CHRNB1: variants seen among roughly 807,000 people sequenced by gnomAD.
CHRNB1 encodes cholinergic receptor nicotinic beta 1 subunit, also known as acetylcholine receptor subunit beta.
CHRNB1 carries 47 observed loss-of-function variants against 53.8 expected under a neutral mutation model. The observed-to-expected ratio is 0.87, with a 90% CI of 0.69 to 1.11. The LOEUF (loss-of-function observed/expected upper bound fraction) is 1.11, where lower values mean the gene tolerates loss of function less well. Ranked by LOEUF, CHRNB1 falls within the 50% of genes most tolerant of loss-of-function variation. The pLI is 0.00. For synonymous variants in CHRNB1, 259 were observed against 263.5 expected (o/e 0.98, Z 0.16); for missense variants, 605 against 654.9 (o/e 0.92, Z 0.83).
Position 7,455,314 on chromosome 17 carries a change from C to A in CHRNB1, c.1075C>A (p.Arg359Ser), listed in dbSNP as rs1236567800. The change falls in exon 9 of 11, where the codon CGT (arginine) becomes AGT (serine). Residue 359 changes from arginine to serine, a missense_variant. By Grantham distance (110) the Arg-to-Ser change is moderately radical. Transcript: ENST00000306071. ...CATTCACAAACTTCCGCTGTACCTG[C>A]GTCTAAAAAGGCCCAAACCCGAGAG... is the stretch of plus-strand genomic sequence containing the variant. ...IFIHKLPLYL[R>S]LKRPKPERDL... 2 of 1,614,094 alleles carry A rather than the reference C, an allele frequency of 1.2e-6. No individual in the cohort carries two copies. Among genetic ancestry groups the A allele is most frequent in the East Asian group, 4.5e-5 (2 of 44,886 alleles).
chr17:7,446,286 C>A, intron 3 of CHRNB1, 173 bp downstream of exon 3: 2 of 627,736 alleles, frequency 3.2e-6, no homozygotes, highest in South Asian at 1.8e-5. Flanking sequence ...ACACCCCATG[C>A]ATTTTTAATT....
chr17:7,447,214 C>G, intron 5 of CHRNB1, 63 bp downstream of exon 5: 2 of 1,383,390 alleles, frequency 1.4e-6, no homozygotes, highest in Non-Finnish European at 2.0e-6. Flanking sequence ...CCTTAGACAT[C>G]CTGACTCCCC....
Position 7,456,792 on chromosome 17 carries a change from A to G in CHRNB1, c.*69A>G, listed in dbSNP as rs2069957462. ...GAGTTTGGTGATACTGTCAAGCCCT[A>G]TCCTTCTCTGCCTCTTAACTCCTTC... On this transcript the variant is annotated 3_prime_UTR_variant, in exon 11 of 11. Coordinates refer to ENST00000306071, the MANE Select transcript of CHRNB1 (RefSeq NM_000747.3). The G allele has an allele frequency of 6.3e-7, 1 of 1,593,306 alleles. No individual in the cohort carries two copies. The highest frequency in any genetic ancestry group is 1.3e-5 in the African/African-American group (1 of 74,558).
intron 6 of CHRNB1, among the ~76,000 whole-genome samples, chr17:7,448,051 G>A (rs901183631): frequency 2.5e-5 from 3 of 119,566 alleles, no homozygotes; most frequent in Non-Finnish European, 4.9e-5. Flanking sequence ...CTCCAGCTTC[G>A]GTAACAGAGT....
chr17:7,445,163 G>A lies in CHRNB1; in HGVS notation c.36G>A (p.Ala12=). The A allele has an allele frequency of 6.2e-7, 1 of 1,609,360 alleles. No homozygotes were observed. Among genetic ancestry groups the A allele is most frequent in the Non-Finnish European group, 8.5e-7 (1 of 1,179,438 alleles). ...TPGALLMLLG[A]LGAPLAPGVR... is the part of the protein sequence containing the mutation. ...GGGCTCTGCTGATGCTGCTGGGGGC[G>A]CTGGGGGCGCCGCTCGCCCCAGGTA... The change falls in exon 1 of 11, where the codon GCG becomes GCA. Residue 12 remains alanine, a synonymous_variant. Coordinates refer to ENST00000306071, the MANE Select transcript of CHRNB1 (RefSeq NM_000747.3). The surrounding 1 kb of genome is among the most constrained non-coding windows in gnomAD (Gnocchi z 5.7).
In CHRNB1 at chr17:7,448,607, G is replaced by A. The variant is rs1908758564; in HGVS notation, c.639G>A (p.Lys213=). Residue 213 remains lysine, a synonymous_variant, in exon 7 of 11, where the codon AAG becomes AAA. Coordinates refer to ENST00000306071, the MANE Select transcript of CHRNB1 (RefSeq NM_000747.3). ...IENGQWEIIH[K]PSRLIQPPGD... is the part of the protein sequence containing the mutation. ...ATGGCCAGTGGGAGATTATCCACAA[G>A]CCCTCTCGGCTAATCCAGCCTCCAG... 1 of 1,613,962 alleles carries A rather than the reference G, an allele frequency of 6.2e-7. No individual in the cohort carries two copies. The highest frequency in any genetic ancestry group is 8.5e-7 in the Non-Finnish European group (1 of 1,180,014).
At position 7,455,837 on chromosome 17, in the gene CHRNB1, G is replaced by C. The variant is rs2069944478; in HGVS notation, c.1261G>C (p.Asp421His). 1 of 1,613,952 alleles carries C rather than the reference G, an allele frequency of 6.2e-7. No individual in the cohort carries two copies. The highest frequency in any genetic ancestry group is 1.3e-5 in the African/African-American group (1 of 74,880). The change falls in exon 10 of 11, where the codon GAT (aspartate) becomes CAT (histidine). Residue 421 changes from aspartate to histidine, a missense_variant. Transcript: ENST00000306071. ...LSAPDLRRFI[D>H]GPNRAVALLP... ...TGCCCCTGATCTGCGGCGATTTATC[G>C]ATGGTCCAAACCGGGCTGTGGCCCT... is the stretch of plus-strand genomic sequence containing the variant.
chr17:7,453,582 C>CTTTT (rs71157287), intron 7 of CHRNB1, among the ~76,000 whole-genome samples: 232 of 95,930 alleles, frequency 2.4e-3, no homozygotes, highest in Non-Finnish European at 2.9e-3. Context: ...AAAAGCCTGT[C>CTTTT]TTTTTTTTTT....
Position 7,455,443 on chromosome 17 carries a change from C to T in CHRNB1, c.1204C>T (p.Pro402Ser). Residue 402 changes from proline (P) to serine (S), a missense_variant, in exon 9 of 11, where the codon CCC (proline) becomes TCC (serine). Coordinates refer to ENST00000306071, the MANE Select transcript of CHRNB1 (RefSeq NM_000747.3). Reference sequence around the variant, plus strand: ...GAAGCCGCCAAGTGATTTTCTCTTCCCCAAACCCAATAGGTAGGACTACGC... The same window carrying T: ...GAAGCCGCCAAGTGATTTTCTCTTCTCCAAACCCAATAGGTAGGACTACGC... ...IRKPPSDFLF[P>S]KPNRFQPELS... 1 of 1,614,108 alleles carries T rather than the reference C, an allele frequency of 6.2e-7. No homozygotes were observed. Among genetic ancestry groups the T allele is most frequent in the Non-Finnish European group, 8.5e-7 (1 of 1,180,028 alleles).
At position 7,447,398 on chromosome 17, in the gene CHRNB1, A is replaced by G. The variant is rs532604118; in HGVS notation, c.463-105A>G. ...AATGGCTTCCCTTCATAACCCTCCA[A>G]TTCCTCCATGATTTCCCTTCTCTGT... is the stretch of plus-strand genomic sequence containing the variant. On this transcript the variant is annotated intron_variant, in intron 5 of 10. Transcript: ENST00000306071. 27 of 1,393,812 alleles carry G rather than the reference A, an allele frequency of 1.9e-5. No homozygotes were observed. The South Asian group carries it at 2.3e-4, about 12-fold the overall frequency. 86.3% of individuals were successfully genotyped at this position (1,393,812 alleles called of 1,614,324 possible).
intron 7 of CHRNB1, among the ~76,000 whole-genome samples, chr17:7,452,149 G>A (rs1261637328): frequency 1.3e-5 from 2 of 151,540 alleles, no homozygotes; most frequent in East Asian, 1.9e-4. Flanking sequence ...TCCGCCTCCC[G>A]GGTTCAAGCG....
chr17:7,446,892 C>G lies in CHRNB1; in HGVS notation c.303C>G (p.Leu101=). 2.5e-6 allele frequency: 4 copies of G among 1,614,046 alleles called. No homozygotes were observed. The highest frequency in any genetic ancestry group is 3.4e-6 in the Non-Finnish European group (4 of 1,180,034). The change falls in exon 4 of 11, where the codon CTC becomes CTG. Residue 101 remains leucine, a synonymous_variant. Transcript: ENST00000306071. ...DPAEHDGIDS[L]RITAESVWLP... The stretch of plus-strand genomic sequence containing the variant: ...CGGAGCACGACGGCATCGATTCGCT[C>G]CGCATCACGGCGGAATCCGTGTGGC...
At position 7,445,215 on chromosome 17, in the gene CHRNB1, G is replaced by T. The variant is rs1597747178; in HGVS notation, c.58+30G>T. 2 of 1,611,382 alleles carry T rather than the reference G, an allele frequency of 1.2e-6. No homozygotes were observed. Among genetic ancestry groups the T allele is most frequent in the Non-Finnish European group, 1.7e-6 (2 of 1,179,434 alleles). Reference sequence around the variant, plus strand: ...GTGTAGGCCCCGAAGGGGCAGTGACGGGGCCAGCGGTCGTGGCCAGGCACC... The same window carrying T: ...GTGTAGGCCCCGAAGGGGCAGTGACTGGGCCAGCGGTCGTGGCCAGGCACC... On this transcript the variant is annotated intron_variant, in intron 1 of 10. Coordinates refer to ENST00000306071, the MANE Select transcript of CHRNB1 (RefSeq NM_000747.3). This position sits in a 1 kb window ranked among gnomAD's most constrained non-coding sequence, Gnocchi z 5.7.
chr17:7,451,119 A>T (rs1908867021), intron 7 of CHRNB1, among the ~76,000 whole-genome samples: 1 of 152,162 alleles, frequency 6.6e-6, no homozygotes, highest in Non-Finnish European at 1.5e-5. Flanking sequence ...AAGGGACTCT[A>T]GACCCAGGAA....
Position 7,455,429 on chromosome 17 carries a change from G to A in CHRNB1, c.1190G>A (p.Ser397Asn). ...GAATATTTCATCCGGAAGCCGCCAA[G>A]TGATTTTCTCTTCCCCAAACCCAAT... ...TDEYFIRKPP[S>N]DFLFPKPNRF... The change falls in exon 9 of 11, where the codon AGT becomes AAT. Residue 397 changes from serine to asparagine, a missense_variant. Transcript: ENST00000306071. 1 of 1,614,170 alleles carries A rather than the reference G, an allele frequency of 6.2e-7. No individual in the cohort carries two copies. The highest frequency in any genetic ancestry group is 1.3e-5 in the African/African-American group (1 of 75,030).
chr17:7,446,260 C>T, intron 3 of CHRNB1, 147 bp downstream of exon 3: 1 of 735,438 alleles, frequency 1.4e-6, no homozygotes, highest in Admixed American at 2.1e-5. Flanking sequence ...CAACACTTAA[C>T]TTTACTACAG....
chr17:7,454,017 T>C (rs1315069516), intron 7 of CHRNB1, among the ~76,000 whole-genome samples: 1 of 152,122 alleles, frequency 6.6e-6, no homozygotes, highest in Non-Finnish European at 1.5e-5. Context: ...GCCATTATCA[T>C]GCCACTGCAC....
intron 6 of CHRNB1, 129 bp from the exon 7 acceptor site, chr17:7,448,450 A>G (rs1908747413): frequency 2.5e-6 from 2 of 786,984 alleles, no homozygotes; most frequent in African/African-American, 3.4e-5. Context: ...TGGGCTACTC[A>G]GCCCAGTTTT....
Position 7,447,504 on chromosome 17 carries a change from T to C in CHRNB1, c.464T>C (p.Val155Ala). 6.2e-7 allele frequency: 1 copy of C among 1,614,144 alleles called. No individual in the cohort carries two copies. Among genetic ancestry groups the C allele is most frequent in the Non-Finnish European group, 8.5e-7 (1 of 1,180,034 alleles). The change falls in exon 6 of 11, where the codon GTC becomes GCC. Residue 155 changes from valine (V) to alanine (A), a missense_variant and splice_region_variant. Transcript: ENST00000306071. ...CTAGTGACTCTCTCCTCCATCCAGG[T>C]CACCTACTTCCCCTTCGACTGGCAG... is the stretch of plus-strand genomic sequence containing the variant. ...GIYRSSCSIQ[V>A]TYFPFDWQNC...
Sources: gnomAD v4.1 joint callset for allele counts (sites outside exome capture counted in the v4.1 genomes callset) on GRCh38, gnomAD v4.1.1 for gene constraint, Gnocchi (gnomAD v3.1) non-coding constraint, MANE v1.5 for transcripts, NCBI Gene and HGNC (gene_info 2026-07-23, HGNC 2026-07-21) for gene names.